GTPBP1: variants seen among roughly 807,000 people sequenced by gnomAD.
GTPBP1 encodes GTP binding protein 1.
A neutral mutation model predicts 62.0 loss-of-function variants in GTPBP1; 23 were observed. The ratio of observed to expected loss-of-function variants is 0.37; its 90% CI spans 0.27 to 0.53. GTPBP1 has a LOEUF of 0.53. GTPBP1 is among the 20% of genes least tolerant of loss of function. The pLI, the probability that GTPBP1 is intolerant of heterozygous loss-of-function variation, is 0.89. For missense variants in GTPBP1, 640 were observed against 917.3 expected (o/e 0.70, Z 3.90); for synonymous variants, 344 against 364.4 (o/e 0.94, Z 0.64).
chr22:38,723,394 T>A, intron 5 of GTPBP1: 1 of 934,584 alleles, frequency 1.1e-6, no homozygotes, highest in Non-Finnish European at 1.7e-6. Flanking sequence ...TCAAGCTCGT[T>A]CTTCCAGAAG....
At chr22:38,740,212 G>A (rs547076681), downstream of GTPBP1, 26 of 1,479,294 alleles carry the variant, frequency 1.8e-5, no homozygotes, top group South Asian at 6.9e-5. The surrounding 1 kb of genome is among the most constrained non-coding windows in gnomAD (Gnocchi z 4.8). Context: ...CCCAGGACAC[G>A]TCGTCTCAAA....
rs1430999330 is a variant in GTPBP1, at chr22:38,733,452, T to G, written c.*2748T>G. 1 of 152,320 alleles carries G rather than the reference T, an allele frequency of 6.6e-6. No individual in the cohort carries two copies. Among genetic ancestry groups the G allele is most frequent in the East Asian group, 1.9e-4 (1 of 5,204 alleles). The allele number at this position is 152,320 out of a possible 1,614,324, so 9.4% of individuals were successfully genotyped here. A position where few individuals can be genotyped will look rare whatever the true frequency, so the allele number is the denominator to read the frequency against. Reference sequence around the variant, plus strand: ...AGGCCCACACCTGCCAGCAGGGGGCTGACTGGATCCATGCTTTACTGTGTT... The same window carrying G: ...AGGCCCACACCTGCCAGCAGGGGGCGGACTGGATCCATGCTTTACTGTGTT... On this transcript the variant is annotated 3_prime_UTR_variant, in exon 12 of 12. Coordinates refer to ENST00000216044, the MANE Select transcript of GTPBP1 (RefSeq NM_004286.5).
rs538820544 is a variant in GTPBP1, at chr22:38,715,910, G to A, written c.308G>A (p.Gly103Glu). The stretch of plus-strand genomic sequence containing the variant: ...ATGTCTGGGCTCTTGTCACCAGATG[G>A]GACTGAGTATGGGCTGAGTGAAGCT... ...TIYVIGQGSD[G>E]TEYGLSEADM... The change falls in exon 3 of 12, where the codon GGG becomes GAG. Residue 103 changes from glycine to glutamate, a missense_variant. Physicochemically the swap from Gly to Glu is moderately conservative, Grantham distance 98. Transcript: ENST00000216044. 1 of 1,608,642 alleles carries A rather than the reference G, an allele frequency of 6.2e-7. No individual in the cohort carries two copies. Among genetic ancestry groups the A allele is most frequent in the East Asian group, 2.2e-5 (1 of 44,638 alleles).
chr22:38,738,847 C>T (rs780699204), downstream of GTPBP1: 27 of 1,595,298 alleles, frequency 1.7e-5, no homozygotes, highest in South Asian at 1.0e-4. This position sits in a 1 kb window ranked among gnomAD's most constrained non-coding sequence, Gnocchi z 6.6. Flanking sequence ...TCAGAGCCCC[C>T]GCTGCTGTGC....
intron 2 of GTPBP1, 145 bp downstream of exon 2, chr22:38,709,101 G>A: frequency 1.9e-6 from 1 of 534,684 alleles, no homozygotes; most frequent in Admixed American, 3.0e-5. Flanking sequence ...TGGCCAACAT[G>A]GTGAAACCCC....
intron 2 of GTPBP1, among the ~76,000 whole-genome samples, chr22:38,710,804 A>G (rs2092634292): frequency 6.6e-6 from 1 of 152,194 alleles, no homozygotes; most frequent in South Asian, 2.1e-4. Flanking sequence ...TTGAAGACCC[A>G]GATTCTTAAG....
chr22:38,727,920 C>A lies in GTPBP1; in HGVS notation c.1538-63C>A. The A allele has an allele frequency of 8.7e-7, 1 of 1,145,248 alleles. No individual in the cohort carries two copies. The highest frequency in any genetic ancestry group is 1.3e-6 in the Non-Finnish European group (1 of 758,828). The allele number at this position is 1,145,248 out of a possible 1,614,324, so 70.9% of individuals were successfully genotyped here. On this transcript the variant is annotated intron_variant, in intron 9 of 11. Coordinates refer to ENST00000216044, the MANE Select transcript of GTPBP1 (RefSeq NM_004286.5). This position sits in a 1 kb window ranked among gnomAD's most constrained non-coding sequence, Gnocchi z 6.5. ...CGTATTTCATGCTTTCACTCACTGC[C>A]TCCCGTTGTCCTGAAGCCACCAGGT...
At chr22:38,742,171 G>A (rs1168152355), downstream of GTPBP1, 3 of 1,168,524 alleles carry the variant, frequency 2.6e-6, no homozygotes, top group Non-Finnish European at 3.5e-6. Flanking sequence ...GAAAAAAAGA[G>A]AAAGGGAGTA....
At chr22:38,729,691 A>G (rs889478563) in intron 11 of GTPBP1, 29 bp downstream of exon 11, 19 of 1,433,460 alleles carry the variant, frequency 1.3e-5, no homozygotes, top group Non-Finnish European at 1.7e-5. Flanking sequence ...CAGCTTCGGC[A>G]TGGTGGTGGG....
chr22:38,728,416 G>A, intron 10 of GTPBP1: 1 of 478,550 alleles, frequency 2.1e-6, no homozygotes, highest in Non-Finnish European at 3.8e-6. Context: ...GTGACAGAAT[G>A]TCTGGGCCCA....
intron 1 of GTPBP1, 149 bp from the exon 2 acceptor site, chr22:38,708,696 G>A (rs902287604): frequency 1.3e-5 from 8 of 602,258 alleles, no homozygotes; most frequent in Non-Finnish European, 2.1e-5. Flanking sequence ...TTCAGGAGAA[G>A]CAGAGAGGGC....
At chr22:38,709,254 TG>T (rs983822887) in intron 2 of GTPBP1, among the ~76,000 whole-genome samples, 1 of 152,056 alleles carries the variant, frequency 6.6e-6, no homozygotes, top group East Asian at 1.9e-4. Flanking sequence ...ATCGTGCCAT[TG>T]TGCTCCAGCC....
At chr22:38,739,549 A>G (rs1429672970), downstream of GTPBP1, 3 of 1,340,408 alleles carry the variant, frequency 2.2e-6, no homozygotes, top group Admixed American at 3.9e-5. This position sits in a 1 kb window ranked among gnomAD's most constrained non-coding sequence, Gnocchi z 6.7. Context: ...GCTGGTGCCC[A>G]GGCAGATGTG....
chr22:38,709,911 G>A (rs925818083), intron 2 of GTPBP1, among the ~76,000 whole-genome samples: 1 of 152,218 alleles, frequency 6.6e-6, no homozygotes, highest in Non-Finnish European at 1.5e-5. Flanking sequence ...TTTAGAGGAA[G>A]GCAGCCCTCA....
chr22:38,736,355 A>T, downstream of GTPBP1: 1 of 1,613,866 alleles, frequency 6.2e-7, no homozygotes, highest in Non-Finnish European at 8.5e-7. Flanking sequence ...CAGCTCCACC[A>T]CCTGGTACGT....
Position 38,730,796 on chromosome 22 carries a change from G to T in GTPBP1, c.*92G>T. On this transcript the variant is annotated 3_prime_UTR_variant, in exon 12 of 12. Coordinates refer to ENST00000216044, the MANE Select transcript of GTPBP1 (RefSeq NM_004286.5). The surrounding 1 kb of genome is among the most constrained non-coding windows in gnomAD (Gnocchi z 5.6). ...GCAGAGCAGCTATGACCGCCACCCA[G>T]CCCTCCCGCTCAGGCCACAGCCGGA... 2.9e-6 allele frequency: 2 copies of T among 682,904 alleles called. No homozygotes were observed. The highest frequency in any genetic ancestry group is 1.9e-5 in the South Asian group (1 of 53,144). The allele number at this position is 682,904 out of a possible 1,614,324, so 42.3% of individuals were successfully genotyped here.
downstream of GTPBP1, chr22:38,734,695 G>GTGAT (rs2092785702): frequency 5.5e-6 from 1 of 182,012 alleles, no homozygotes; most frequent in Non-Finnish European, 1.2e-5. Context: ...GCTGCCCTAG[G>GTGAT]TGATAGGCAA....
chr22:38,734,200 T>G, downstream of GTPBP1: 1 of 393,642 alleles, frequency 2.5e-6, no homozygotes, highest in South Asian at 1.9e-5. Flanking sequence ...TATGAGAGGC[T>G]CCAGGATCAG....
At chr22:38,712,797 C>T (rs1400331372) in intron 2 of GTPBP1, among the ~76,000 whole-genome samples, 1 of 152,148 alleles carries the variant, frequency 6.6e-6, no homozygotes, top group Non-Finnish European at 1.5e-5. Flanking sequence ...ATTTAGCCAG[C>T]CTTCTTAGGA....
Sources: allele counts gnomAD v4.1 joint callset (sites outside exome capture counted in the v4.1 genomes callset), GRCh38; gene constraint gnomAD v4.1.1; non-coding constraint Gnocchi (gnomAD v3.1); transcripts MANE v1.5; gene names NCBI Gene and HGNC (gene_info 2026-07-23, HGNC 2026-07-21).